Variants in TMEM108 observed in about 807,000 individuals in gnomAD.
TMEM108 encodes the protein transmembrane protein 108.
In TMEM108, 12 loss-of-function variants were observed where a neutral mutation model predicts 35.1. That is an observed-to-expected ratio of 0.34 (90% CI 0.22 to 0.55). TMEM108 has a LOEUF of 0.55. Ranked by LOEUF, TMEM108 falls within the 20% of genes least tolerant of loss-of-function variation. The pLI is 0.89. For synonymous variants in TMEM108, 287 were observed against 308.6 expected (o/e 0.93, Z 0.73); for missense variants, 680 against 753.3 (o/e 0.90, Z 1.14).
intron 3 of TMEM108, among the ~76,000 whole-genome samples, chr3:133,231,435 C>G (rs1030508891): frequency 4.6e-5 from 7 of 152,298 alleles, no homozygotes; most frequent in South Asian, 2.1e-4. Flanking sequence ...TGGAATGACT[C>G]TAATGGCTGA....
intron 5 of TMEM108, among the ~76,000 whole-genome samples, chr3:133,392,834 C>G (rs913258147): frequency 2.0e-5 from 3 of 152,184 alleles, no homozygotes; most frequent in Admixed American, 2.0e-4. Flanking sequence ...TCCCTCGCAC[C>G]ATGAGTGCTG....
intron 3 of TMEM108, among the ~76,000 whole-genome samples, chr3:133,287,165 T>A (rs1003143646): frequency 2.0e-5 from 3 of 152,130 alleles, no homozygotes; most frequent in Non-Finnish European, 4.4e-5. Flanking sequence ...TCTTAATAAC[T>A]CACCTGCTCC....
intron 3 of TMEM108, among the ~76,000 whole-genome samples, chr3:133,349,605 A>G (rs1164144932): frequency 6.6e-6 from 1 of 152,148 alleles, no homozygotes; most frequent in Non-Finnish European, 1.5e-5. Context: ...AAAAAAACTA[A>G]CCTGATTTTT....
chr3:133,360,700 G>A (rs975083238), intron 3 of TMEM108, among the ~76,000 whole-genome samples: 14 of 152,296 alleles, frequency 9.2e-5, no homozygotes, highest in African/African-American at 3.4e-4. Flanking sequence ...TAGTCCCTCT[G>A]TTTTCTGGAA....
chr3:133,159,007 T>C (rs1944922145), intron 2 of TMEM108, among the ~76,000 whole-genome samples: 3 of 152,240 alleles, frequency 2.0e-5, no homozygotes, highest in Admixed American at 2.0e-4. Flanking sequence ...AAGCATGCTA[T>C]ATCTGTTGGT....
chr3:133,099,031 G>C (rs541911463), intron 2 of TMEM108, among the ~76,000 whole-genome samples: 1 of 152,298 alleles, frequency 6.6e-6, no homozygotes, highest in South Asian at 2.1e-4. Context: ...CTTCAGCACT[G>C]CCGTAGCAAA....
intron 2 of TMEM108, among the ~76,000 whole-genome samples, chr3:133,147,738 C>T (rs1388781380): frequency 6.6e-6 from 1 of 152,090 alleles, no homozygotes; most frequent in African/African-American, 2.4e-5. Context: ...CAGTATTTTC[C>T]CCTCTCAGTC....
intron 2 of TMEM108, among the ~76,000 whole-genome samples, chr3:133,190,095 G>GAA (rs11434501): frequency 1.2e-4 from 18 of 150,136 alleles, no homozygotes; most frequent in Non-Finnish European, 2.5e-4. Context: ...GCACTGCAAG[G>GAA]AAAAAAAAAA....
chr3:133,126,856 A>T (rs1944424377), intron 2 of TMEM108, among the ~76,000 whole-genome samples: 2 of 152,154 alleles, frequency 1.3e-5, no homozygotes, highest in African/African-American at 4.8e-5. Context: ...AAAATACCTA[A>T]TACAATGTAA....
intron 2 of TMEM108, among the ~76,000 whole-genome samples, chr3:133,162,162 C>G (rs1162902432): frequency 6.9e-6 from 1 of 144,396 alleles, no homozygotes; most frequent in East Asian, 2.0e-4. Context: ...TTTTTTTTTT[C>G]ATATATACAA....
intron 3 of TMEM108, among the ~76,000 whole-genome samples, chr3:133,357,115 G>T (rs1280065303): frequency 1.3e-5 from 2 of 152,044 alleles, no homozygotes; most frequent in Admixed American, 6.6e-5. Context: ...CAAAAAGTGG[G>T]CAATGGACAT....
At position 133,137,519 on chromosome 3, in the gene TMEM108, G is replaced by C. The variant is rs188308949; in HGVS notation, c.-47+91499G>C. On this transcript the variant is annotated intron_variant, in intron 2 of 5. Transcript: ENST00000321871. ...AACAAAGGAAGGAAAACATCTGAAG[G>C]GGCTCACTCCACGGTGCAGCAGCCA... Among the ~76,000 whole-genome samples the C allele has an allele frequency of 9.5e-4, 144 of 152,238 alleles. 1 individual carries two copies. Among genetic ancestry groups the C allele is most frequent in the Admixed American group, 9.4e-3 (144 of 15,288 alleles).
At position 133,265,307 on chromosome 3, in the gene TMEM108, T is replaced by C. The variant is rs145848011; in HGVS notation, c.40+35956T>C. The stretch of plus-strand genomic sequence containing the variant: ...GTCTTTGAGGTTTGATGTTCTACCT[T>C]GAAGCTTTGAAATAGTTCATTTTAA... On this transcript the variant is annotated intron_variant, in intron 3 of 5. Transcript: ENST00000321871. Among the ~76,000 whole-genome samples, 343 of 152,298 alleles carry C rather than the reference T, an allele frequency of 2.3e-3. 4 individuals carry two copies. Among genetic ancestry groups the C allele is most frequent in the African/African-American group, 7.8e-3 (325 of 41,564 alleles).
chr3:133,045,856 G>C (rs1293328722), intron 1 of TMEM108, 46 bp from the exon 2 acceptor site: 7 of 152,610 alleles, frequency 4.6e-5, no homozygotes, highest in Non-Finnish European at 8.8e-5. Flanking sequence ...CTTGGGACTT[G>C]AAGTTCCTTT....
chr3:133,204,954 C>T (rs1056381728), intron 2 of TMEM108, among the ~76,000 whole-genome samples: 1 of 152,170 alleles, frequency 6.6e-6, no homozygotes, highest in East Asian at 1.9e-4. Context: ...TTGTAGGTCT[C>T]TAAGAACTTA....
chr3:133,115,458 G>T (rs1217121896), intron 2 of TMEM108, among the ~76,000 whole-genome samples: 1 of 152,174 alleles, frequency 6.6e-6, no homozygotes, highest in Non-Finnish European at 1.5e-5. Flanking sequence ...CCATTTGAGG[G>T]GAGGAAACTG....
chr3:133,042,661 C>T (rs1450619792), intron 1 of TMEM108, among the ~76,000 whole-genome samples: 2 of 152,172 alleles, frequency 1.3e-5, no homozygotes, highest in Admixed American at 6.5e-5. Context: ...CCTTAGGATC[C>T]TAACAGTTCA....
chr3:133,166,924 G>A (rs1269605190), intron 2 of TMEM108, among the ~76,000 whole-genome samples: 3 of 152,124 alleles, frequency 2.0e-5, no homozygotes, highest in South Asian at 2.1e-4. Flanking sequence ...TGATTGGTCC[G>A]TTTTACAGAG....
chr3:133,083,419 G>T (rs955963716), intron 2 of TMEM108, among the ~76,000 whole-genome samples: 1 of 152,152 alleles, frequency 6.6e-6, no homozygotes, highest in Non-Finnish European at 1.5e-5. Flanking sequence ...GGAACAGGAC[G>T]TTGGGTAAGT....
Sources: gnomAD v4.1 joint callset for allele counts (sites outside exome capture counted in the v4.1 genomes callset) on GRCh38, gnomAD v4.1.1 for gene constraint, MANE v1.5 for transcripts, NCBI Gene and HGNC (gene_info 2026-07-23, HGNC 2026-07-21) for gene names.